Variants in OSBPL2 observed in about 807,000 individuals in gnomAD.
OSBPL2 encodes oxysterol binding protein like 2, also known as oxysterol-binding protein-related protein 2.
A neutral mutation model predicts 58.4 loss-of-function variants in OSBPL2; 18 were observed. That is an observed-to-expected ratio of 0.31 (90% CI 0.21 to 0.46). The LOEUF is 0.46. Ranked by LOEUF, OSBPL2 falls within the 20% of genes least tolerant of loss-of-function variation. OSBPL2 has a pLI of 1.00. For synonymous variants in OSBPL2, 221 were observed against 234.1 expected, an observed-to-expected ratio of 0.94 and a Z score of 0.51; for missense variants, 461 against 616.5, an observed-to-expected ratio of 0.75 and a Z score of 2.67.
chr20:62,257,126 CAG>C (rs1271364721), intron 2 of OSBPL2, among the ~76,000 whole-genome samples: 2 of 152,246 alleles, frequency 1.3e-5, no homozygotes, highest in African/African-American at 4.8e-5. Context: ...AAGGATCTGT[CAG>C]GGTCTCTATG....
intron 1 of OSBPL2, among the ~76,000 whole-genome samples, chr20:62,241,318 A>G (rs941646031): frequency 2.0e-5 from 3 of 151,962 alleles, no homozygotes; most frequent in Non-Finnish European, 4.4e-5. Context: ...TCAGCCTCCC[A>G]AGTAGCTGGG....
intron 1 of OSBPL2, among the ~76,000 whole-genome samples, chr20:62,239,884 G>A (rs1979606018): frequency 6.6e-6 from 1 of 152,120 alleles, no homozygotes; most frequent in Non-Finnish European, 1.5e-5. Flanking sequence ...ATGGAGTCTC[G>A]CTTTGTTGCC....
chr20:62,279,566 ATCAT>A (rs1982644047), intron 7 of OSBPL2: 2 of 558,064 alleles, frequency 3.6e-6, no homozygotes, highest in African/African-American at 1.9e-5. Flanking sequence ...TTTCGGTCAC[ATCAT>A]TCATTGTATG....
At chr20:62,247,418 C>T (rs1333020045) in intron 1 of OSBPL2, among the ~76,000 whole-genome samples, 1 of 152,206 alleles carries the variant, frequency 6.6e-6, no homozygotes, top group Non-Finnish European at 1.5e-5. Flanking sequence ...TTGCTGCCCC[C>T]ACGCCGCAGC....
intron 1 of OSBPL2, among the ~76,000 whole-genome samples, chr20:62,254,985 GC>G (rs1188768927): frequency 6.6e-6 from 1 of 152,082 alleles, no homozygotes; most frequent in Non-Finnish European, 1.5e-5. Context: ...ACTTGTTCCA[GC>G]CTCTGGTGAA....
intron 6 of OSBPL2, among the ~76,000 whole-genome samples, chr20:62,277,108 G>A (rs971093195): frequency 8.5e-5 from 13 of 152,070 alleles, no homozygotes; most frequent in Non-Finnish European, 1.9e-4. Flanking sequence ...AAAATTAGCC[G>A]GGCGTGGTGG....
chr20:62,241,626 GGGCTC>G (rs1979745350), intron 1 of OSBPL2, among the ~76,000 whole-genome samples: 1 of 152,256 alleles, frequency 6.6e-6, no homozygotes, highest in Non-Finnish European at 1.5e-5. Context: ...CGCCAGACCA[GGGCTC>G]TTGGGTCCTG....
chr20:62,240,441 C>T (rs1355495887), intron 1 of OSBPL2, among the ~76,000 whole-genome samples: 2 of 152,154 alleles, frequency 1.3e-5, no homozygotes, highest in Non-Finnish European at 2.9e-5. Flanking sequence ...ACGAGCATGT[C>T]GTATTCACTT....
chr20:62,239,914 G>A (rs1240946637), intron 1 of OSBPL2, among the ~76,000 whole-genome samples: 4 of 152,154 alleles, frequency 2.6e-5, no homozygotes, highest in Non-Finnish European at 4.4e-5. Context: ...GTGCAGTGGT[G>A]CGATCTTGAC....
intron 1 of OSBPL2, among the ~76,000 whole-genome samples, chr20:62,244,828 A>G (rs1021180296): frequency 6.6e-6 from 1 of 152,214 alleles, no homozygotes; most frequent in African/African-American, 2.4e-5. Flanking sequence ...CTTGGGACCA[A>G]GCCGGGCTCA....
intron 1 of OSBPL2, among the ~76,000 whole-genome samples, chr20:62,255,639 G>A (rs918433056): frequency 1.7e-4 from 26 of 152,264 alleles, no homozygotes; most frequent in African/African-American, 6.0e-4. Context: ...AAGTAGCTGG[G>A]ACTATAGGCG....
At chr20:62,287,897 T>A (rs1601201120) in intron 11 of OSBPL2, among the ~76,000 whole-genome samples, 1 of 152,310 alleles carries the variant, frequency 6.6e-6, no homozygotes, top group Admixed American at 6.5e-5. Flanking sequence ...CCAGGCCCTG[T>A]GGGCCTGGGC....
chr20:62,282,757 A>T (rs1982874504), intron 9 of OSBPL2, among the ~76,000 whole-genome samples: 2 of 152,186 alleles, frequency 1.3e-5, no homozygotes, highest in South Asian at 4.1e-4. Context: ...AGCCTGGGAG[A>T]TGGAGGTTGC....
chr20:62,290,940 G>A (rs1383260632), intron 12 of OSBPL2, among the ~76,000 whole-genome samples: 4 of 152,036 alleles, frequency 2.6e-5, no homozygotes, highest in African/African-American at 7.2e-5. Flanking sequence ...GTTTCACCAT[G>A]TTGGCCAGCC....
At position 62,273,347 on chromosome 20, in the gene OSBPL2, G is replaced by A. The variant is rs191696924; in HGVS notation, c.432G>A (p.Gln144=). 1.1e-4 allele frequency: 176 copies of A among 1,605,644 alleles called. No homozygotes were observed. Among genetic ancestry groups the A allele is most frequent in the South Asian group, 6.2e-4 (56 of 89,628 alleles). The change falls in exon 6 of 14, where the codon CAG becomes CAA. Residue 144 remains glutamine (Q), a synonymous_variant. Coordinates refer to ENST00000313733, the MANE Select transcript of OSBPL2 (RefSeq NM_144498.4). ...TTGCTGTTTCGGCTGTGGCTTCCCA[G>A]TGGGAGAGGACCGGCAAACCATTTA... The part of the protein sequence containing the change: ...AAFAVSAVAS[Q]WERTGKPFNP...
rs746101351 is a variant in OSBPL2 at position 62,263,707 on chromosome 20, C to T, written c.258+16C>T. 34 of 1,607,694 alleles carry T rather than the reference C, an allele frequency of 2.1e-5. No homozygotes were observed. Among genetic ancestry groups the T allele is most frequent in the East Asian group, 4.5e-5 (2 of 44,836 alleles). ...TGTTGGCCTGGTGAGTCCGGGGGCC[C>T]GTGTTCACACATGGGGCTGCACCAC... is the stretch of plus-strand genomic sequence containing the variant. On this transcript the variant is annotated intron_variant, in intron 4 of 13. Coordinates refer to ENST00000313733, the MANE Select transcript of OSBPL2 (RefSeq NM_144498.4).
rs2145988375 is a variant in OSBPL2, at chr20:62,295,172, A to T, written c.*1285A>T. ...TCACCATGTTGGTCAGGCTGGTCTC[A>T]AACTCCCGACCTCAAGTAGTCTGCC... is the stretch of plus-strand genomic sequence containing the variant. On this transcript the variant is annotated 3_prime_UTR_variant, in exon 14 of 14. Transcript: ENST00000313733. This position sits in a 1 kb window ranked among gnomAD's most constrained non-coding sequence, Gnocchi z 4.8. The T allele has an allele frequency of 6.6e-6, 1 of 151,438 alleles. No individual in the cohort carries two copies. Among genetic ancestry groups the T allele is most frequent in the Non-Finnish European group, 1.5e-5 (1 of 67,822 alleles). 9.4% of individuals were successfully genotyped at this position (151,438 alleles called of 1,614,324 possible). A position where few individuals can be genotyped will look rare whatever the true frequency, so the allele number is the denominator to read the frequency against.
intron 12 of OSBPL2, chr20:62,291,482 C>T (rs1278275548): frequency 1.7e-6 from 1 of 578,962 alleles, no homozygotes; most frequent in Middle Eastern, 4.8e-4. Flanking sequence ...ACATGCAGCC[C>T]CCATGCTCTA....
rs553097744 is a variant in OSBPL2, at chr20:62,288,761, T to C, written c.1126-446T>C. Among the ~76,000 whole-genome samples, 173 of 152,208 alleles carry C rather than the reference T, an allele frequency of 1.1e-3. No individual in the cohort carries two copies. Among genetic ancestry groups the C allele is most frequent in the Admixed American group, 3.2e-3 (49 of 15,294 alleles). ...ATACCCTAAGCATTCCAGTTGTTAA[T>C]GTGACAAATTAACTTGCTCCAGGGC... On this transcript the variant is annotated intron_variant, in intron 11 of 13. Transcript: ENST00000313733. The surrounding 1 kb of genome is among the most constrained non-coding windows in gnomAD (Gnocchi z 4.8).
Sources: allele counts gnomAD v4.1 joint callset (sites outside exome capture counted in the v4.1 genomes callset), GRCh38; gene constraint gnomAD v4.1.1; non-coding constraint Gnocchi (gnomAD v3.1); transcripts MANE v1.5; gene names NCBI Gene and HGNC (gene_info 2026-07-23, HGNC 2026-07-21).